NCALD: variants seen among roughly 807,000 people sequenced by gnomAD.
NCALD encodes the protein neurocalcin delta.
Under a neutral mutation model 18.6 loss-of-function variants are expected in NCALD, and 10 were observed. That is an observed-to-expected ratio of 0.54 (90% confidence interval 0.33 to 0.91). NCALD has a LOEUF of 0.91. Among genes scored for constraint, NCALD ranks in the 40% least tolerant of loss-of-function variants. The pLI is 0.03. For synonymous variants in NCALD, 88 were observed against 87.4 expected, an observed-to-expected ratio of 1.01 and a Z score of -0.04; for missense variants, 184 against 247.6, an observed-to-expected ratio of 0.74 and a Z score of 1.72.
At chr8:102,045,243 A>G (rs1823198844) in intron 1 of NCALD, among the ~76,000 whole-genome samples, 1 of 152,168 alleles carries the variant, frequency 6.6e-6, no homozygotes, top group Admixed American at 6.5e-5. Context: ...GTCTTAAAGT[A>G]TAACATGGTG....
At chr8:101,882,502 A>C (rs892440727) in intron 4 of NCALD, among the ~76,000 whole-genome samples, 11 of 152,204 alleles carry the variant, frequency 7.2e-5, no homozygotes, top group Non-Finnish European at 1.6e-4. Context: ...GACCTCAAGA[A>C]CTGTAGGAAA....
intron 1 of NCALD, among the ~76,000 whole-genome samples, chr8:102,052,592 A>T (rs141197851): frequency 6.6e-6 from 1 of 152,254 alleles, no homozygotes; most frequent in Non-Finnish European, 1.5e-5. Context: ...AAAGACTTCC[A>T]TCTCTTCCCC....
At chr8:101,739,895 C>T (rs1236630469) in intron 1 of NCALD, among the ~76,000 whole-genome samples, 1 of 152,146 alleles carries the variant, frequency 6.6e-6, no homozygotes, top group African/African-American at 2.4e-5. Flanking sequence ...TGCATCTATC[C>T]TATTCGTTCT....
intron 4 of NCALD, among the ~76,000 whole-genome samples, chr8:101,876,914 C>T (rs1816250733): frequency 6.6e-6 from 1 of 152,168 alleles, no homozygotes; most frequent in Non-Finnish European, 1.5e-5. Context: ...CGATGACTTC[C>T]AGTACAAAGC....
At chr8:101,728,988 T>A (rs1816696442) in intron 1 of NCALD, among the ~76,000 whole-genome samples, 1 of 152,238 alleles carries the variant, frequency 6.6e-6, no homozygotes, top group African/African-American at 2.4e-5. Context: ...GGAAGAGAAC[T>A]ATCAAAGTTG....
chr8:101,980,479 T>C (rs923885110), intron 2 of NCALD, among the ~76,000 whole-genome samples: 4 of 152,070 alleles, frequency 2.6e-5, no homozygotes, highest in Non-Finnish European at 5.9e-5. Context: ...AGAAAGACTA[T>C]TGGCGAAGGG....
At chr8:101,752,572 T>C (rs573077510) in intron 1 of NCALD, among the ~76,000 whole-genome samples, 13 of 152,312 alleles carry the variant, frequency 8.5e-5, no homozygotes, top group Middle Eastern at 3.4e-3. Flanking sequence ...CCAGGAGTGG[T>C]GGTCAAATAA....
intron 4 of NCALD, among the ~76,000 whole-genome samples, chr8:101,808,603 T>C (rs1475784412): frequency 6.6e-6 from 1 of 152,190 alleles, no homozygotes; most frequent in Admixed American, 6.5e-5. Context: ...GGGATGTAAA[T>C]AGATATGTCA....
At chr8:101,761,866 C>A (rs1811122406) in intron 1 of NCALD, among the ~76,000 whole-genome samples, 1 of 152,168 alleles carries the variant, frequency 6.6e-6, no homozygotes, top group African/African-American at 2.4e-5. Flanking sequence ...TAAAAAGAAA[C>A]CACTTACTCA....
At chr8:102,092,776 C>A (rs925033733) in intron 1 of NCALD, among the ~76,000 whole-genome samples, 2 of 152,220 alleles carry the variant, frequency 1.3e-5, no homozygotes, top group African/African-American at 4.8e-5. Flanking sequence ...AATCCCAACT[C>A]ATCCATGGAG....
intron 4 of NCALD, among the ~76,000 whole-genome samples, chr8:101,822,341 A>G (rs1813755044): frequency 6.6e-6 from 1 of 152,184 alleles, no homozygotes; most frequent in Non-Finnish European, 1.5e-5. Flanking sequence ...GCCATATTCC[A>G]TGGCAGGTTC....
chr8:101,921,507 C>T (rs1454886030), intron 2 of NCALD, among the ~76,000 whole-genome samples: 1 of 152,120 alleles, frequency 6.6e-6, no homozygotes, highest in Non-Finnish European at 1.5e-5. Flanking sequence ...AAATGCACCT[C>T]AGTCAATACA....
chr8:101,997,233 T>C (rs1409158080), intron 2 of NCALD, among the ~76,000 whole-genome samples: 1 of 152,218 alleles, frequency 6.6e-6, no homozygotes, highest in Non-Finnish European at 1.5e-5. Context: ...TAACTTAACA[T>C]TTTGTGATAT....
chr8:102,004,567 G>A (rs1367808122), intron 2 of NCALD, among the ~76,000 whole-genome samples: 10 of 152,074 alleles, frequency 6.6e-5, no homozygotes, highest in East Asian at 3.9e-4. Flanking sequence ...AGCCCGCATC[G>A]CCAAGTCAAT....
chr8:101,823,770 C>G, intron 4 of NCALD, among the ~76,000 whole-genome samples: 1 of 152,172 alleles, frequency 6.6e-6, no homozygotes, highest in East Asian at 1.9e-4. Context: ...CCACGCAATT[C>G]TCTGAGTATG....
At chr8:101,838,464 C>T (rs1219319585) in intron 4 of NCALD, among the ~76,000 whole-genome samples, 2 of 152,218 alleles carry the variant, frequency 1.3e-5, no homozygotes, top group Non-Finnish European at 2.9e-5. Context: ...TCGTGATCTG[C>T]CTGCCTTGGC....
At chr8:102,083,784 C>T (rs528659500) in intron 1 of NCALD, among the ~76,000 whole-genome samples, 4 of 152,192 alleles carry the variant, frequency 2.6e-5, no homozygotes, top group South Asian at 2.1e-4. Context: ...AGAGTTATCA[C>T]CTAGCTGTTG....
intron 1 of NCALD, among the ~76,000 whole-genome samples, chr8:102,030,013 A>C (rs1255601231): frequency 6.6e-6 from 1 of 152,248 alleles, no homozygotes; most frequent in Non-Finnish European, 1.5e-5. Flanking sequence ...ATGCCTCCTA[A>C]AAGAATAAGT....
intron 4 of NCALD, among the ~76,000 whole-genome samples, chr8:101,799,899 G>C (rs190811724): frequency 1.3e-5 from 2 of 152,264 alleles, no homozygotes; most frequent in Admixed American, 1.3e-4. Context: ...CTGCAGTTTT[G>C]CAAGATGTTA....
Sources: allele counts gnomAD v4.1 joint callset (sites outside exome capture counted in the v4.1 genomes callset), GRCh38; gene constraint gnomAD v4.1.1; transcripts MANE v1.5; gene names NCBI Gene and HGNC (gene_info 2026-07-23, HGNC 2026-07-21).